Variants in PCDHA8 observed in about 807,000 individuals in gnomAD.
The protein encoded by PCDHA8 is protocadherin alpha 8.
PCDHA8 carries 53 observed loss-of-function variants against 61.8 expected under a neutral mutation model. The observed-to-expected ratio is 0.86, with a 90% CI of 0.69 to 1.08. The LOEUF is 1.08. Among genes scored for constraint, PCDHA8 ranks in the 50% least tolerant of loss-of-function variants. The pLI is 0.00. For synonymous variants in PCDHA8, 618 were observed against 556.6 expected (o/e 1.11, Z -1.55); for missense variants, 1,293 against 1,245.0 (o/e 1.04, Z -0.58).
At chr5:140,882,307 A>C in intron 1 of PCDHA8, 2 of 1,613,900 alleles carry the variant, frequency 1.2e-6, no homozygotes, top group Non-Finnish European at 1.7e-6. Context: ...GACCGCGGCA[A>C]CTACTGCTCT....
intron 1 of PCDHA8, among the ~76,000 whole-genome samples, chr5:140,911,786 TG>T (rs1394803815): frequency 6.6e-6 from 1 of 152,212 alleles, no homozygotes; most frequent in Non-Finnish European, 1.5e-5. Flanking sequence ...TTAGCATTTT[TG>T]GGTCTAATCA....
At chr5:140,876,251 G>T in intron 1 of PCDHA8, 1 of 1,614,008 alleles carries the variant, frequency 6.2e-7, no homozygotes, top group South Asian at 1.1e-5. Context: ...AACGACACAA[G>T]AGTGATCCAA....
At chr5:140,973,697 C>G (rs1474916406) in intron 1 of PCDHA8, among the ~76,000 whole-genome samples, 1 of 152,226 alleles carries the variant, frequency 6.6e-6, no homozygotes, top group Non-Finnish European at 1.5e-5. Context: ...CTGTTTCCTT[C>G]TGACCCAGGA....
intron 1 of PCDHA8, chr5:140,857,099 G>C (rs2044359336): frequency 1.9e-6 from 3 of 1,597,240 alleles, no homozygotes; most frequent in Non-Finnish European, 2.6e-6. Context: ...TGAGGTGATT[G>C]TCACTTCTCT....
At chr5:140,937,821 A>G (rs1270019197) in intron 1 of PCDHA8, among the ~76,000 whole-genome samples, 2 of 151,608 alleles carry the variant, frequency 1.3e-5, no homozygotes, top group Non-Finnish European at 2.9e-5. Flanking sequence ...CTGAGGCAGG[A>G]GAATGGCATG....
At chr5:140,871,250 T>G (rs1412384009) in intron 1 of PCDHA8, 3 of 1,613,976 alleles carry the variant, frequency 1.9e-6, no homozygotes, top group Non-Finnish European at 2.5e-6. Context: ...ACGCTGCTGC[T>G]GTATACGGCG....
chr5:140,892,158 T>A (rs1442080527), intron 1 of PCDHA8, among the ~76,000 whole-genome samples: 2 of 152,242 alleles, frequency 1.3e-5, no homozygotes, highest in Non-Finnish European at 2.9e-5. Context: ...ATTTCTGATA[T>A]GTCCAGTAAC....
chr5:140,940,076 T>C (rs1469877434), intron 1 of PCDHA8, among the ~76,000 whole-genome samples: 2 of 152,230 alleles, frequency 1.3e-5, no homozygotes, highest in Non-Finnish European at 2.9e-5. Flanking sequence ...ATGTGATATC[T>C]TTCTGCTAAA....
chr5:140,926,912 C>A, intron 1 of PCDHA8: 1 of 1,561,732 alleles, frequency 6.4e-7, no homozygotes. Context: ...TGTGGGGTGG[C>A]AGTTTTATGT....
At chr5:140,868,898 T>C (rs2050724806) in intron 1 of PCDHA8, 1 of 800,434 alleles carries the variant, frequency 1.2e-6, no homozygotes, top group African/African-American at 1.7e-5. Flanking sequence ...GCGCAAGGTG[T>C]CGCTCTTTAC....
At chr5:140,892,721 T>A (rs1554185338) in intron 1 of PCDHA8, among the ~76,000 whole-genome samples, 1 of 152,226 alleles carries the variant, frequency 6.6e-6, no homozygotes, top group Admixed American at 6.5e-5. Flanking sequence ...ATTCATAATC[T>A]CAAACATTTA....
intron 3 of PCDHA8, among the ~76,000 whole-genome samples, chr5:141,009,392 G>A (rs1016452113): frequency 2.6e-5 from 4 of 152,184 alleles, no homozygotes; most frequent in Non-Finnish European, 4.4e-5. Flanking sequence ...ACAGGAGGTC[G>A]AGGCTGCAGT....
In PCDHA8 at chr5:140,870,903, A is replaced by C. The variant is rs182770106; in HGVS notation, c.2394+27188A>C. On this transcript the variant is annotated intron_variant, in intron 1 of 3. Transcript: ENST00000531613. ...AGGTGCGCGCAGTGGATGCGGACTCAGGCTACAACGCGTGGCTTTCATATG... is the reference window on the plus strand; with the variant it reads ...AGGTGCGCGCAGTGGATGCGGACTCCGGCTACAACGCGTGGCTTTCATATG... 3.9e-4 allele frequency: 622 copies of C among 1,613,930 alleles called. 2 individuals carry two copies. The highest frequency in any genetic ancestry group is 2.8e-3 in the Middle Eastern group (17 of 6,060).
chr5:141,008,679 T>C (rs950831628), intron 3 of PCDHA8, among the ~76,000 whole-genome samples: 4 of 152,238 alleles, frequency 2.6e-5, no homozygotes, highest in South Asian at 4.1e-4. Context: ...TATACTTTAG[T>C]TATTGCATGT....
intron 2 of PCDHA8, 69 bp downstream of exon 2, chr5:140,979,076 C>G: frequency 6.3e-7 from 1 of 1,584,068 alleles, no homozygotes; most frequent in South Asian, 1.1e-5. Flanking sequence ...AACTGCATCT[C>G]CATAGGCCAG....
At chr5:140,902,530 G>C (rs569387885) in intron 1 of PCDHA8, among the ~76,000 whole-genome samples, 1 of 152,026 alleles carries the variant, frequency 6.6e-6, no homozygotes, top group African/African-American at 2.4e-5. Flanking sequence ...TTATTATGTT[G>C]AGGTATGTTC....
In PCDHA8 at chr5:140,883,616, G is replaced by GACAAC; in HGVS notation, c.2394+39902_2394+39906dup. On this transcript the variant is annotated intron_variant, in intron 1 of 3. Coordinates refer to ENST00000531613, the MANE Select transcript of PCDHA8 (RefSeq NM_018911.3). ...GTCGGTGGGGGTGGCCGACGTGAAC[G>GACAAC]ACAACGCGCCGGCGTTCGCGCAGCC... The GACAAC allele has an allele frequency of 3.1e-6, 5 of 1,614,014 alleles. No homozygotes were observed. The South Asian group carries it at 5.5e-5, about 18-fold the overall frequency.
At position 140,954,715 on chromosome 5, in the gene PCDHA8, G is replaced by A. The variant is rs189929573; in HGVS notation, c.2395-24234G>A. Among the ~76,000 whole-genome samples, 246 of 152,208 alleles carry A rather than the reference G, an allele frequency of 1.6e-3. 8 individuals carry two copies. Among genetic ancestry groups the A allele is most frequent in the Middle Eastern group, 3.4e-3 (1 of 294 alleles). ...GACTACAAAATTTTTCTCCCATTCT[G>A]TAGGTTGTCTTTTCACTCTGATGAT... On this transcript the variant is annotated intron_variant, in intron 1 of 3. Coordinates refer to ENST00000531613, the MANE Select transcript of PCDHA8 (RefSeq NM_018911.3).
intron 1 of PCDHA8, among the ~76,000 whole-genome samples, chr5:140,945,145 T>C (rs1310475283): frequency 2.6e-5 from 4 of 152,128 alleles, no homozygotes; most frequent in African/African-American, 2.4e-5. Flanking sequence ...CAATAGCATT[T>C]CTATACACTA....
Sources: allele counts gnomAD v4.1 joint callset (sites outside exome capture counted in the v4.1 genomes callset), GRCh38; gene constraint gnomAD v4.1.1; transcripts MANE v1.5; gene names NCBI Gene and HGNC (gene_info 2026-07-23, HGNC 2026-07-21).